FRMPD1: variants seen among roughly 807,000 people sequenced by gnomAD.
FRMPD1 encodes FERM and PDZ domain-containing protein 1.
FRMPD1 carries 76 observed loss-of-function variants against 117.8 expected under a neutral mutation model. The ratio of observed to expected loss-of-function variants is 0.65; its 90% CI spans 0.54 to 0.78. The LOEUF is 0.78. Among genes scored for constraint, FRMPD1 ranks in the 30% least tolerant of loss-of-function variants. The pLI is 0.00. For missense variants in FRMPD1, 1,786 were observed against 1,964.5 expected (o/e 0.91, Z 1.72); for synonymous variants, 783 against 770.4 (o/e 1.02, Z -0.27).
chr9:37,688,282 T>G (rs113467502), intron 1 of FRMPD1, among the ~76,000 whole-genome samples: 1 of 151,426 alleles, frequency 6.6e-6, no homozygotes, highest in East Asian at 1.9e-4. Context: ...TTCAATCCCA[T>G]TAACAAATAT....
At chr9:37,649,825 C>G (rs992598125), upstream of FRMPD1, among the ~76,000 whole-genome samples, 1 of 152,182 alleles carries the variant, frequency 6.6e-6, no homozygotes, top group Admixed American at 6.5e-5. Flanking sequence ...CTGCTGACTC[C>G]CCTGCTTTAT....
chr9:37,698,031 C>G (rs1588937621), intron 2 of FRMPD1, among the ~76,000 whole-genome samples: 1 of 152,198 alleles, frequency 6.6e-6, no homozygotes. Context: ...AGGAGAATCT[C>G]TTGAACCTGG....
chr9:37,746,321 T>C lies in FRMPD1; in HGVS notation c.4289T>C (p.Leu1430Pro), dbSNP rs775944267. The C allele has an allele frequency of 4.0e-5, 65 of 1,612,662 alleles. No homozygotes were observed. Among genetic ancestry groups the C allele is most frequent in the Non-Finnish European group, 5.3e-5 (62 of 1,179,792 alleles). ...TTCATCCAACTCATGGAGAGCTTGC[T>C]GGAGCTACAAGACATTTTAGAAACT... ...EGFIQLMESL[L>P]ELQDILETSW... The change falls in exon 16 of 16, where the codon CTG becomes CCG. Residue 1430 changes from leucine (L) to proline (P), a missense_variant. Transcript: ENST00000377765.
intron 1 of FRMPD1, among the ~76,000 whole-genome samples, chr9:37,658,156 G>A (rs1456733875): frequency 6.6e-6 from 1 of 152,124 alleles, no homozygotes. Flanking sequence ...GAAAAGCTAA[G>A]AATGGGACAC....
At chr9:37,697,399 TA>T (rs1029653119) in intron 2 of FRMPD1, among the ~76,000 whole-genome samples, 12 of 144,786 alleles carry the variant, frequency 8.3e-5, no homozygotes, top group African/African-American at 1.3e-4. Flanking sequence ...CCGTCTCTGC[TA>T]AAAAAAAAAC....
rs146345251 is a variant in FRMPD1, at chr9:37,745,963, A to G, written c.3931A>G (p.Arg1311Gly). 10 of 1,614,106 alleles carry G rather than the reference A, an allele frequency of 6.2e-6. No individual in the cohort carries two copies. Among genetic ancestry groups the G allele is most frequent in the African/African-American group, 1.3e-5 (1 of 74,950 alleles). The change falls in exon 16 of 16, where the codon AGG (arginine) becomes GGG (glycine). Residue 1311 changes from arginine (R) to glycine (G), a missense_variant. Physicochemically the swap from Arg to Gly is moderately radical, Grantham distance 125 (BLOSUM62 -2). Transcript: ENST00000377765. Reference sequence around the variant, plus strand: ...CCATCCTGAAGTCTCTGCCAGTCTCAGGGTGGCCACATCTTTGGGTTTTGC... The same window carrying G: ...CCATCCTGAAGTCTCTGCCAGTCTCGGGGTGGCCACATCTTTGGGTTTTGC... ...ESHPEVSASL[R>G]VATSLGFAGM...
chr9:37,629,052 A>C, the FRMPD1 span, among the ~76,000 whole-genome samples: 2 of 152,206 alleles, frequency 1.3e-5, no homozygotes, highest in African/African-American at 4.8e-5. Context: ...TACAAAAATT[A>C]GCTAGACGTG....
At chr9:37,743,441 C>G (rs896516678) in intron 15 of FRMPD1, among the ~76,000 whole-genome samples, 1 of 146,120 alleles carries the variant, frequency 6.8e-6, no homozygotes, top group East Asian at 2.0e-4. Context: ...CAGAAATAGA[C>G]AGCAACCAGG....
intron 1 of FRMPD1, among the ~76,000 whole-genome samples, chr9:37,659,928 A>AAC (rs1270659779): frequency 7.3e-5 from 11 of 149,938 alleles, no homozygotes; most frequent in African/African-American, 1.7e-4. Context: ...AAAAAAAAAA[A>AAC]AAAAAACAAA....
chr9:37,669,493 T>TAAGTCATC (rs1821276124), intron 1 of FRMPD1, among the ~76,000 whole-genome samples: 1 of 152,224 alleles, frequency 6.6e-6, no homozygotes, highest in African/African-American at 2.4e-5. Context: ...TGCCATGGCT[T>TAAGTCATC]AAGTCATCCT....
At position 37,746,552 on chromosome 9, in the gene FRMPD1, T is replaced by A; in HGVS notation, c.4520T>A (p.Phe1507Tyr). 1 of 1,613,788 alleles carries A rather than the reference T, an allele frequency of 6.2e-7. No homozygotes were observed. Among genetic ancestry groups the A allele is most frequent in the Non-Finnish European group, 8.5e-7 (1 of 1,179,994 alleles). The change falls in exon 16 of 16, where the codon TTC becomes TAC. Residue 1507 changes from phenylalanine to tyrosine, a missense_variant. Phe to Tyr is a conservative substitution (Grantham distance 22). Transcript: ENST00000377765. ...LVQLAGLCFQ[F>Y]TDCSRCSARH... The stretch of plus-strand genomic sequence containing the variant: ...CAGCTGGCCGGCCTGTGCTTTCAGT[T>A]CACAGACTGTAGCCGCTGCTCCGCC...
In FRMPD1 at chr9:37,735,642, A is replaced by C; in HGVS notation, c.1309A>C (p.Thr437Pro). 2.5e-6 allele frequency: 4 copies of C among 1,613,788 alleles called. No individual in the cohort carries two copies. Among genetic ancestry groups the C allele is most frequent in the Non-Finnish European group, 3.4e-6 (4 of 1,179,666 alleles). The part of the protein sequence containing the change: ...VINSKLNIMS[T>P]LAEFANISRV... ...CAATAGCAAACTCAACATCATGTCCACATTGGCAGAGTTTGCAAACATCAG... is the reference window on the plus strand; with the variant it reads ...CAATAGCAAACTCAACATCATGTCCCCATTGGCAGAGTTTGCAAACATCAG... Residue 437 changes from threonine (T) to proline (P), a missense_variant, in exon 13 of 16, where the codon ACA becomes CCA. Physicochemically the swap from Thr to Pro is conservative, Grantham distance 38 (BLOSUM62 -1). Coordinates refer to ENST00000377765, the MANE Select transcript of FRMPD1 (RefSeq NM_014907.3).
chr9:37,637,936 T>C, the FRMPD1 span, among the ~76,000 whole-genome samples: 1 of 148,278 alleles, frequency 6.7e-6, no homozygotes, highest in Admixed American at 6.8e-5. Flanking sequence ...GGGATTTTAA[T>C]TCTGATTTCA....
At chr9:37,656,204 T>TA (rs1454260948) in intron 1 of FRMPD1, among the ~76,000 whole-genome samples, 3 of 152,186 alleles carry the variant, frequency 2.0e-5, no homozygotes, top group African/African-American at 7.2e-5. Flanking sequence ...ATTTTCCCGA[T>TA]ATCTGAAATG....
the FRMPD1 span, among the ~76,000 whole-genome samples, chr9:37,611,313 C>T: frequency 1.3e-5 from 2 of 152,172 alleles, no homozygotes; most frequent in East Asian, 1.9e-4. Context: ...ATTTTTTGTG[C>T]TTATGCGAAT....
intron 3 of FRMPD1, 76 bp downstream of exon 3, chr9:37,707,649 T>G: frequency 4.1e-6 from 5 of 1,217,584 alleles, no homozygotes; most frequent in East Asian, 2.3e-5. Flanking sequence ...CCGATCTCTC[T>G]ATCCTATAAC....
At chr9:37,672,169 T>C (rs1240570503) in intron 1 of FRMPD1, among the ~76,000 whole-genome samples, 1 of 152,202 alleles carries the variant, frequency 6.6e-6, no homozygotes, top group African/African-American at 2.4e-5. Flanking sequence ...AACCATTGAC[T>C]TGTGTACTTT....
At chr9:37,611,877 C>A in the FRMPD1 span, among the ~76,000 whole-genome samples, 3 of 152,114 alleles carry the variant, frequency 2.0e-5, no homozygotes, top group African/African-American at 7.2e-5. Context: ...GAATGTGCAG[C>A]ATTTCACAGA....
chr9:37,608,383 TTTC>T, the FRMPD1 span, among the ~76,000 whole-genome samples: 7 of 94,982 alleles, frequency 7.4e-5, no homozygotes, highest in South Asian at 3.5e-4. Flanking sequence ...TTTCTCTTTC[TTTC>T]TTTTTTTTTT....
Sources: gnomAD v4.1 joint callset for allele counts (sites outside exome capture counted in the v4.1 genomes callset) on GRCh38, gnomAD v4.1.1 for gene constraint, MANE v1.5 for transcripts, NCBI Gene and HGNC (gene_info 2026-07-23, HGNC 2026-07-21) for gene names.